NFATC2: variants seen among roughly 807,000 people sequenced by gnomAD.
The protein encoded by NFATC2 is nuclear factor of activated T-cells, cytoplasmic 2.
NFATC2 carries 22 observed loss-of-function variants against 87.3 expected under a neutral mutation model. The observed-to-expected ratio is 0.25, with a 90% CI of 0.18 to 0.36. NFATC2 has a LOEUF of 0.36. NFATC2 is among the 10% of genes least tolerant of loss of function. NFATC2 has a pLI of 1.00. For missense variants in NFATC2, 1,149 were observed against 1,259.1 expected, an observed-to-expected ratio of 0.91 and a Z score of 1.32; for synonymous variants, 565 against 542.2, an observed-to-expected ratio of 1.04 and a Z score of -0.58.
intron 1 of NFATC2, among the ~76,000 whole-genome samples, chr20:51,528,487 C>T (rs541427615): frequency 9.2e-5 from 14 of 152,168 alleles, no homozygotes; most frequent in South Asian, 4.1e-4. Context: ...CAGATGTACA[C>T]GCACAGACAG....
chr20:51,398,794 C>A (rs967615701), intron 9 of NFATC2, 64 bp from the exon 10 acceptor site: 2 of 1,123,850 alleles, frequency 1.8e-6, no homozygotes, highest in African/African-American at 3.1e-5. Context: ...ATCTCTCTTA[C>A]GCTTCCAACT....
intron 10 of NFATC2, among the ~76,000 whole-genome samples, chr20:51,398,352 G>C (rs555466609): frequency 2.6e-5 from 4 of 152,282 alleles, no homozygotes; most frequent in East Asian, 3.9e-4. Context: ...AAAGGAGCAG[G>C]CTCCAAAGAC....
chr20:51,486,549 T>A (rs1217674841), intron 3 of NFATC2, among the ~76,000 whole-genome samples: 1 of 151,994 alleles, frequency 6.6e-6, no homozygotes, highest in Non-Finnish European at 1.5e-5. Context: ...CCTTCCTGAC[T>A]GTGCTAAGTG....
At chr20:51,433,740 C>T (rs567667299) in intron 8 of NFATC2, among the ~76,000 whole-genome samples, 28 of 145,928 alleles carry the variant, frequency 1.9e-4, no homozygotes, top group Non-Finnish European at 3.4e-4. Flanking sequence ...TGTGCGCATG[C>T]GTGTGTGTTC....
At chr20:51,475,747 C>T in intron 3 of NFATC2, 87 bp from the exon 4 acceptor site, 1 of 1,308,690 alleles carries the variant, frequency 7.6e-7, no homozygotes. Context: ...AGCTCATGGG[C>T]AGTAGAGAGA....
chr20:51,551,834 T>C (rs532363388), intron 1 of NFATC2, among the ~76,000 whole-genome samples: 1 of 151,710 alleles, frequency 6.6e-6, no homozygotes, highest in Non-Finnish European at 1.5e-5. Context: ...AAGACCATCC[T>C]GGCTAACATG....
At chr20:51,529,446 C>T (rs2076598265) in intron 1 of NFATC2, among the ~76,000 whole-genome samples, 1 of 152,084 alleles carries the variant, frequency 6.6e-6, no homozygotes, top group Non-Finnish European at 1.5e-5. Context: ...AATTCTCAGT[C>T]CCCTGGGTAT....
At chr20:51,394,383 CCCCCCTCAGCACTGTT>C (rs66516522) in intron 10 of NFATC2, among the ~76,000 whole-genome samples, 95,406 of 151,768 alleles carry the variant, frequency 0.63, 30,358 homozygotes, top group African/African-American at 0.73. Flanking sequence ...CTCTGTCTGT[CCCCCCTCAGCACTGTT>C]CCCTCCTCTT....
upstream of NFATC2, chr20:51,562,630 C>A: frequency 6.4e-7 from 1 of 1,550,886 alleles, no homozygotes; most frequent in Non-Finnish European, 8.7e-7. The surrounding 1 kb of genome is among the most constrained non-coding windows in gnomAD (Gnocchi z 5.8). Flanking sequence ...CTCTCTGCAT[C>A]TGGAGGGCAC....
intron 5 of NFATC2, among the ~76,000 whole-genome samples, chr20:51,470,627 C>T (rs1023674141): frequency 1.3e-5 from 2 of 152,148 alleles, no homozygotes; most frequent in African/African-American, 4.8e-5. Context: ...ACTCACTCTC[C>T]CTGTCATTGG....
At chr20:51,449,449 A>C (rs1286859145) in intron 6 of NFATC2, among the ~76,000 whole-genome samples, 1 of 152,130 alleles carries the variant, frequency 6.6e-6, no homozygotes, top group Non-Finnish European at 1.5e-5. Flanking sequence ...CAGGAACTAC[A>C]TTCACCTGGG....
At chr20:51,407,434 T>C (rs1190524968) in intron 9 of NFATC2, among the ~76,000 whole-genome samples, 1 of 152,236 alleles carries the variant, frequency 6.6e-6, no homozygotes, top group African/African-American at 2.4e-5. Flanking sequence ...GAATGAATGA[T>C]TTAGCGAAAG....
Position 51,523,294 on chromosome 20 carries a change from C to A in NFATC2, c.947G>T (p.Cys316Phe). The change falls in exon 2 of 11, where the codon TGT (cysteine) becomes TTT (phenylalanine). Residue 316 changes from cysteine to phenylalanine, a missense_variant. Around this residue, in one of 3 missense-constraint regions of NFATC2, gnomAD observed 563 missense variants for 585.2 expected, o/e 0.96. Transcript: ENST00000371564. The surrounding 1 kb of genome is among the most constrained non-coding windows in gnomAD (Gnocchi z 6.9). ...ALNSLATDSP[C>F]GIPPKMWKTS... ...CTTCCACATCTTGGGGGGGATCCCACAAGGCGAGTCCGTGGCGAGGCTGTT... is the reference window on the plus strand; with the variant it reads ...CTTCCACATCTTGGGGGGGATCCCAAAAGGCGAGTCCGTGGCGAGGCTGTT... 6.2e-7 allele frequency: 1 copy of A among 1,613,786 alleles called. No homozygotes were observed. Among genetic ancestry groups the A allele is most frequent in the Non-Finnish European group, 8.5e-7 (1 of 1,179,824 alleles).
intron 5 of NFATC2, among the ~76,000 whole-genome samples, chr20:51,472,444 G>A (rs1192969998): frequency 6.6e-6 from 1 of 151,964 alleles, no homozygotes; most frequent in Non-Finnish European, 1.5e-5. Flanking sequence ...TCTGTAGGAA[G>A]TTGATATTGT....
chr20:51,441,666 G>A (rs1369271755), intron 6 of NFATC2, among the ~76,000 whole-genome samples: 4 of 137,680 alleles, frequency 2.9e-5, no homozygotes, highest in African/African-American at 8.3e-5. Flanking sequence ...GCAGTGAGCC[G>A]AGATCACACC....
Position 51,523,832 on chromosome 20 carries a change from C to T in NFATC2, c.409G>A (p.Val137Met). ...ACCCCGGCCAGGGGCGGCTGCTCCA[C>T]CAGGAGGCCCGCGTCTCTCATGCGG... ...PLRMRDAGLLVEQPPLAGVAA... is the reference protein window; with the variant it reads ...PLRMRDAGLLMEQPPLAGVAA... The change falls in exon 2 of 11, where the codon GTG (valine) becomes ATG (methionine). Residue 137 changes from valine to methionine, a missense_variant. Physicochemically the swap from Val to Met is conservative, Grantham distance 21 (BLOSUM62 1). Around this residue, in one of 3 missense-constraint regions of NFATC2, gnomAD observed 563 missense variants for 585.2 expected, o/e 0.96. Coordinates refer to ENST00000371564, the MANE Select transcript of NFATC2 (RefSeq NM_012340.5). The surrounding 1 kb of genome is among the most constrained non-coding windows in gnomAD (Gnocchi z 6.9). 6.2e-7 allele frequency: 1 copy of T among 1,610,454 alleles called. No individual in the cohort carries two copies. Among genetic ancestry groups the T allele is most frequent in the Non-Finnish European group, 8.5e-7 (1 of 1,178,434 alleles).
intron 3 of NFATC2, among the ~76,000 whole-genome samples, chr20:51,495,781 T>G (rs965596628): frequency 1.3e-5 from 2 of 152,332 alleles, no homozygotes; most frequent in East Asian, 3.9e-4. Context: ...TCCCATGCAC[T>G]GGCTGGGTCT....
chr20:51,528,878 C>G (rs2076588754), intron 1 of NFATC2, among the ~76,000 whole-genome samples: 4 of 152,174 alleles, frequency 2.6e-5, no homozygotes, highest in Admixed American at 2.6e-4. Flanking sequence ...TATAACTGAA[C>G]AGCATTAAAC....
In NFATC2 at chr20:51,562,118, T is replaced by C. The variant is rs1300817205; in HGVS notation, c.70+442A>G. ...GAAAGCAAAGTCTTCCTTACTATAC[T>C]TGCTGTATAGTAAAATGCCAAGCCT... On this transcript the variant is annotated intron_variant, in intron 1 of 10. Transcript: ENST00000414705. The surrounding 1 kb of genome is among the most constrained non-coding windows in gnomAD (Gnocchi z 5.8). 1.3e-5 allele frequency among the ~76,000 whole-genome samples: 2 copies of C among 152,196 alleles called. No individual in the cohort carries two copies. Among genetic ancestry groups the C allele is most frequent in the Non-Finnish European group, 2.9e-5 (2 of 68,030 alleles).
Sources: allele counts gnomAD v4.1 joint callset (sites outside exome capture counted in the v4.1 genomes callset), GRCh38; gene constraint gnomAD v4.1.1; regional missense constraint gnomAD v4.1.1; non-coding constraint Gnocchi (gnomAD v3.1); transcripts MANE v1.5; gene names NCBI Gene and HGNC (gene_info 2026-07-23, HGNC 2026-07-21).